BCKDHB: variants seen among roughly 807,000 people sequenced by gnomAD.
The protein encoded by BCKDHB is branched chain keto acid dehydrogenase E1 subunit beta, also known as 2-oxoisovalerate dehydrogenase subunit beta, mitochondrial.
In BCKDHB, 41 loss-of-function variants were observed where a neutral mutation model predicts 48.5. The ratio of observed to expected loss-of-function variants is 0.85; its 90% CI spans 0.66 to 1.10. The LOEUF is 1.10. BCKDHB is among the 50% of genes least tolerant of loss of function. BCKDHB has a pLI of 0.00. For synonymous variants in BCKDHB, 201 were observed against 174.8 expected, an observed-to-expected ratio of 1.15 and a Z score of -1.18; for missense variants, 496 against 494.2, an observed-to-expected ratio of 1.00 and a Z score of -0.03.
chr6:80,262,570 G>A (rs1187340324), intron 8 of BCKDHB, among the ~76,000 whole-genome samples: 2 of 152,156 alleles, frequency 1.3e-5, no homozygotes, highest in African/African-American at 4.8e-5. Flanking sequence ...ATGTAAGGAA[G>A]ATTTTAACTA....
the BCKDHB span, among the ~76,000 whole-genome samples, chr6:80,439,966 A>G: frequency 6.6e-6 from 1 of 152,184 alleles, no homozygotes; most frequent in Non-Finnish European, 1.5e-5. Context: ...TGGCACTGAG[A>G]GATGAAGTCA....
At chr6:80,342,829 T>A (rs1769987673) in intron 9 of BCKDHB, among the ~76,000 whole-genome samples, 1 of 152,168 alleles carries the variant, frequency 6.6e-6, no homozygotes, top group Admixed American at 6.5e-5. Context: ...GAGTAACATT[T>A]TTTTTCTCCT....
chr6:80,409,336 T>G, the BCKDHB span, among the ~76,000 whole-genome samples: 4 of 151,764 alleles, frequency 2.6e-5, no homozygotes, highest in African/African-American at 7.3e-5. Flanking sequence ...GATGAGGTGC[T>G]GAGAAGAATG....
In BCKDHB at chr6:80,180,032, C is replaced by T. The variant is rs138664707; in HGVS notation, c.742+8642C>T. 1.7e-3 allele frequency among the ~76,000 whole-genome samples: 265 copies of T among 152,322 alleles called. 1 individual carries two copies. The highest frequency in any genetic ancestry group is 6.0e-3 in the African/African-American group (251 of 41,580). On this transcript the variant is annotated intron_variant, in intron 6 of 9. Transcript: ENST00000320393. Reference sequence around the variant, plus strand: ...TCATTTCTGGGCCTGTGCTCATAAACTGCTCTCTGTGCAAACCTCTGGGCT... The same window carrying T: ...TCATTTCTGGGCCTGTGCTCATAAATTGCTCTCTGTGCAAACCTCTGGGCT...
chr6:80,176,374 G>T (rs1240511580), intron 6 of BCKDHB, among the ~76,000 whole-genome samples: 1 of 152,166 alleles, frequency 6.6e-6, no homozygotes, highest in Non-Finnish European at 1.5e-5. Flanking sequence ...AGAATTCTGG[G>T]AGGTAAGTGA....
the BCKDHB span, among the ~76,000 whole-genome samples, chr6:80,373,251 A>G: frequency 6.6e-6 from 1 of 152,072 alleles, no homozygotes; most frequent in South Asian, 2.1e-4. Flanking sequence ...GTTCATAGTA[A>G]CCTTTAATTA....
the BCKDHB span, among the ~76,000 whole-genome samples, chr6:80,461,093 A>G: frequency 6.6e-6 from 1 of 152,326 alleles, no homozygotes; most frequent in East Asian, 1.9e-4. Flanking sequence ...CATATGGGAT[A>G]AAGAATTTAA....
the BCKDHB span, among the ~76,000 whole-genome samples, chr6:80,451,374 C>T: frequency 6.6e-6 from 1 of 152,146 alleles, no homozygotes; most frequent in Non-Finnish European, 1.5e-5. Flanking sequence ...CACCATTAGA[C>T]TGTGCTTGTA....
At chr6:80,201,545 G>A (rs537525928) in intron 7 of BCKDHB, among the ~76,000 whole-genome samples, 3 of 152,262 alleles carry the variant, frequency 2.0e-5, no homozygotes, top group South Asian at 4.1e-4. Flanking sequence ...TGGAATACAT[G>A]TATACCCATG....
intron 1 of BCKDHB, among the ~76,000 whole-genome samples, chr6:80,112,683 G>A (rs1769472788): frequency 6.6e-6 from 1 of 152,196 alleles, no homozygotes; most frequent in Admixed American, 6.5e-5. Flanking sequence ...TTCCAAGGAG[G>A]CCTTTGTGCT....
At chr6:80,236,608 G>A (rs1776157303) in intron 8 of BCKDHB, among the ~76,000 whole-genome samples, 1 of 152,152 alleles carries the variant, frequency 6.6e-6, no homozygotes, top group African/African-American at 2.4e-5. Flanking sequence ...TACATTAGCA[G>A]AGGTAGTTAC....
Position 80,169,014 on chromosome 6 carries a change from A to C in BCKDHB, c.617A>C (p.His206Pro), listed in dbSNP as rs1562104694. 1 of 1,614,070 alleles carries C rather than the reference A, an allele frequency of 6.2e-7. No homozygotes were observed. The highest frequency in any genetic ancestry group is 2.2e-5 in the East Asian group (1 of 44,870). The change falls in exon 5 of 10, where the codon CAT (histidine) becomes CCT (proline). Residue 206 changes from histidine to proline, a missense_variant. His to Pro is a moderately conservative substitution (Grantham distance 77). Coordinates refer to ENST00000320393, the MANE Select transcript of BCKDHB (RefSeq NM_183050.4). ...HSQSPEAFFA[H>P]CPGIKVVIPR... ...CAGAGTCCTGAAGCATTTTTTGCCC[A>C]TTGCCCAGGAATCAAGGTATGTTCA...
downstream of BCKDHB, among the ~76,000 whole-genome samples, chr6:80,348,983 C>T (rs1770319023): frequency 1.3e-5 from 2 of 152,012 alleles, no homozygotes; most frequent in Admixed American, 1.3e-4. Flanking sequence ...AGGACTGGAA[C>T]TGAAAATAGA....
the BCKDHB span, among the ~76,000 whole-genome samples, chr6:80,402,808 A>T: frequency 6.6e-6 from 1 of 151,624 alleles, no homozygotes; most frequent in Non-Finnish European, 1.5e-5. Context: ...ATTCAATTTT[A>T]TTTTTTTGCA....
the BCKDHB span, among the ~76,000 whole-genome samples, chr6:80,433,882 G>A: frequency 2.6e-5 from 4 of 152,180 alleles, no homozygotes; most frequent in South Asian, 8.3e-4. Flanking sequence ...TGGGTTTGTA[G>A]GCTTTATCAT....
At chr6:80,281,435 A>G (rs1293526081) in intron 9 of BCKDHB, among the ~76,000 whole-genome samples, 2 of 152,202 alleles carry the variant, frequency 1.3e-5, no homozygotes, top group African/African-American at 2.4e-5. Context: ...CCAGAATTTA[A>G]GACAGCTAAA....
chr6:80,430,798 G>T, the BCKDHB span, among the ~76,000 whole-genome samples: 9 of 151,984 alleles, frequency 5.9e-5, no homozygotes, highest in Non-Finnish European at 1.0e-4. Context: ...TATTTGAAGG[G>T]TTTTTTGTGT....
chr6:80,397,464 G>A, the BCKDHB span, among the ~76,000 whole-genome samples: 3 of 152,148 alleles, frequency 2.0e-5, no homozygotes, highest in Non-Finnish European at 4.4e-5. Flanking sequence ...TCAAGAGAAA[G>A]CAGAGGTAAT....
At chr6:80,296,927 A>G (rs926317390) in intron 9 of BCKDHB, among the ~76,000 whole-genome samples, 4 of 152,232 alleles carry the variant, frequency 2.6e-5, no homozygotes, top group Non-Finnish European at 5.9e-5. Context: ...ACCAAAAAAC[A>G]CATTTCACTT....
Sources: allele counts gnomAD v4.1 joint callset (sites outside exome capture counted in the v4.1 genomes callset), GRCh38; gene constraint gnomAD v4.1.1; transcripts MANE v1.5; gene names NCBI Gene and HGNC (gene_info 2026-07-23, HGNC 2026-07-21).